Variants in BNC2 observed in about 807,000 individuals in gnomAD.
BNC2 encodes the protein basonuclin zinc finger protein 2, also known as zinc finger protein basonuclin-2.
A neutral mutation model predicts 76.3 loss-of-function variants in BNC2; 20 were observed. The ratio of observed to expected loss-of-function variants is 0.26; its 90% CI spans 0.18 to 0.38. The LOEUF (loss-of-function observed/expected upper bound fraction) is 0.38. Ranked by LOEUF, BNC2 falls within the 10% of genes least tolerant of loss-of-function variation. BNC2 has a pLI of 1.00. For synonymous variants in BNC2, 582 were observed against 514.8 expected (o/e 1.13, Z -1.77); for missense variants, 1,382 against 1,399.8 (o/e 0.99, Z 0.20).
At chr9:16,536,869 C>A (rs767496192) in intron 5 of BNC2, among the ~76,000 whole-genome samples, 5 of 152,014 alleles carry the variant, frequency 3.3e-5, no homozygotes, top group Non-Finnish European at 7.4e-5. Flanking sequence ...GTTTTTATTA[C>A]CTGTTTGTTT....
Position 16,421,233 on chromosome 9 carries a change from C to G in BNC2, c.2640-1584G>C, listed in dbSNP as rs528371526. On this transcript the variant is annotated intron_variant, in intron 6 of 6. Transcript: ENST00000380672. Reference sequence around the variant, plus strand: ...AAGGGGCAGAGGGCAGCAGCCCTCTCCAACTGCACTTAGGAAGGCTGAGCT... The same window carrying G: ...AAGGGGCAGAGGGCAGCAGCCCTCTGCAACTGCACTTAGGAAGGCTGAGCT... The G allele has an allele frequency of 9.3e-6, 12 of 1,285,640 alleles. No homozygotes were observed. The South Asian group carries it at 1.5e-4, about 16-fold the overall frequency. The allele number at this position is 1,285,640 out of a possible 1,614,324, so 79.6% of individuals were successfully genotyped here. A position where few individuals can be genotyped will look rare whatever the true frequency, so the allele number is the denominator to read the frequency against.
chr9:16,780,141 T>C (rs138589814), intron 1 of BNC2, among the ~76,000 whole-genome samples: 3,087 of 128,978 alleles, frequency 0.024, 101 homozygotes, highest in African/African-American at 0.083. Context: ...GAGGCTGAGG[T>C]AGGAGAATGG....
chr9:16,866,447 C>T (rs1162580040), intron 1 of BNC2, among the ~76,000 whole-genome samples: 1 of 151,876 alleles, frequency 6.6e-6, no homozygotes, highest in Admixed American at 6.6e-5. Flanking sequence ...TAGGAAGCTA[C>T]TTTTAATAGA....
chr9:16,547,278 C>A (rs368229060), intron 5 of BNC2, among the ~76,000 whole-genome samples: 2 of 152,312 alleles, frequency 1.3e-5, no homozygotes, highest in East Asian at 1.9e-4. Flanking sequence ...GGCATGGGAG[C>A]CTTTACTTTT....
At chr9:16,770,305 G>C (rs1361426533) in intron 1 of BNC2, among the ~76,000 whole-genome samples, 1 of 152,106 alleles carries the variant, frequency 6.6e-6, no homozygotes, top group East Asian at 1.9e-4. Flanking sequence ...TTCTATTCAG[G>C]TAAAACAGAG....
intron 1 of BNC2, among the ~76,000 whole-genome samples, chr9:16,774,726 G>A (rs948129332): frequency 2.0e-5 from 3 of 152,202 alleles, no homozygotes; most frequent in Admixed American, 1.3e-4. Context: ...GGTCCAGAGA[G>A]ATCTGGTAGC....
At chr9:16,748,017 GAA>G (rs34637050) in intron 1 of BNC2, among the ~76,000 whole-genome samples, 7 of 151,880 alleles carry the variant, frequency 4.6e-5, no homozygotes, top group South Asian at 4.2e-4. Context: ...AAGAAGAATG[GAA>G]AAAAAAACTG....
chr9:16,573,305 G>A (rs1485026564), intron 4 of BNC2, among the ~76,000 whole-genome samples: 1 of 151,196 alleles, frequency 6.6e-6, no homozygotes, highest in African/African-American at 2.4e-5. Flanking sequence ...CTAGTTTCAA[G>A]TAAAATAGTA....
At chr9:16,743,554 C>A (rs1376803288) in intron 1 of BNC2, among the ~76,000 whole-genome samples, 1 of 152,144 alleles carries the variant, frequency 6.6e-6, no homozygotes, top group Non-Finnish European at 1.5e-5. Context: ...ACATTAATAC[C>A]GGAGAGCAAG....
At chr9:16,590,202 T>C (rs2133160202) in intron 3 of BNC2, among the ~76,000 whole-genome samples, 1 of 152,298 alleles carries the variant, frequency 6.6e-6, no homozygotes, top group East Asian at 1.9e-4. Flanking sequence ...TTTTTAATTT[T>C]TCTTTTTGAG....
chr9:16,563,003 G>A (rs1237023299), intron 4 of BNC2, among the ~76,000 whole-genome samples: 3 of 152,086 alleles, frequency 2.0e-5, no homozygotes, highest in African/African-American at 7.2e-5. Flanking sequence ...TTATTGATAT[G>A]TTTTTATAAG....
chr9:16,865,216 A>G (rs1819516492), intron 1 of BNC2, among the ~76,000 whole-genome samples: 1 of 152,098 alleles, frequency 6.6e-6, no homozygotes, highest in African/African-American at 2.4e-5. Context: ...ACATTTTGAC[A>G]ACTATTAAAT....
chr9:16,858,669 C>T (rs1185632579), intron 1 of BNC2, among the ~76,000 whole-genome samples: 3 of 151,914 alleles, frequency 2.0e-5, no homozygotes, highest in African/African-American at 7.3e-5. Context: ...CATGGTAAAA[C>T]CCCGTCTCTA....
chr9:16,760,239 T>C (rs1825514766), intron 1 of BNC2, among the ~76,000 whole-genome samples: 1 of 152,174 alleles, frequency 6.6e-6, no homozygotes. Context: ...AGTAGTATTT[T>C]TCAAAATACC....
intron 1 of BNC2, among the ~76,000 whole-genome samples, chr9:16,768,372 C>T (rs754007896): frequency 1.6e-4 from 24 of 151,988 alleles, no homozygotes; most frequent in Non-Finnish European, 2.4e-4. Context: ...AATCAATCTT[C>T]CTATTCAGAA....
intron 1 of BNC2, among the ~76,000 whole-genome samples, chr9:16,765,080 G>C (rs769970535): frequency 3.7e-4 from 56 of 152,238 alleles, no homozygotes; most frequent in Admixed American, 1.0e-3. Flanking sequence ...AGTCAGACAA[G>C]GGATGAAGCA....
intron 1 of BNC2, among the ~76,000 whole-genome samples, chr9:16,788,310 C>T (rs10756813): frequency 0.57 from 85,961 of 151,524 alleles, 25,848 homozygotes; most frequent in Non-Finnish European, 0.69. Context: ...TCCCAGCACT[C>T]TGGGAGGCCA....
chr9:16,665,853 C>A (rs1822275189), intron 3 of BNC2, among the ~76,000 whole-genome samples: 1 of 152,182 alleles, frequency 6.6e-6, no homozygotes, highest in South Asian at 2.1e-4. Context: ...TACTTCCTAC[C>A]TGTTGAACCT....
intron 3 of BNC2, among the ~76,000 whole-genome samples, chr9:16,662,646 G>C (rs555163245): frequency 1.3e-5 from 2 of 152,208 alleles, no homozygotes; most frequent in Non-Finnish European, 2.9e-5. Context: ...TGAGGCAGGA[G>C]AATCATTTAA....
Sources: allele counts gnomAD v4.1 joint callset (sites outside exome capture counted in the v4.1 genomes callset), GRCh38; gene constraint gnomAD v4.1.1; transcripts MANE v1.5; gene names NCBI Gene and HGNC (gene_info 2026-07-23, HGNC 2026-07-21).